The following DPP4 variants were observed in gnomAD, a reference collection of about 807,000 sequenced individuals.
The protein encoded by DPP4 is ADCP-2.
In DPP4, 93 loss-of-function variants were observed where a neutral mutation model predicts 122.4. The observed-to-expected ratio is 0.76, with a 90% CI of 0.64 to 0.90. The LOEUF is 0.90. Ranked by LOEUF, DPP4 falls within the 40% of genes least tolerant of loss-of-function variation. DPP4 has a pLI of 0.00. For synonymous variants in DPP4, 321 were observed against 302.9 expected, an observed-to-expected ratio of 1.06 and a Z score of -0.62; for missense variants, 914 against 907.3, an observed-to-expected ratio of 1.01 and a Z score of -0.09.
rs550310366 is a variant in DPP4 at position 162,060,071 on chromosome 2, C to T, written c.95-12570G>A. On this transcript the variant is annotated intron_variant, in intron 2 of 25. Coordinates refer to ENST00000360534, the MANE Select transcript of DPP4 (RefSeq NM_001935.4). ...GTATGCACCAAAGCCACATTTGGAC[C>T]AGGCAATATGGCGCCAAAGCCTGTG... 3.3e-5 allele frequency among the ~76,000 whole-genome samples: 5 copies of T among 152,298 alleles called. No homozygotes were observed. The East Asian group carries it at 5.8e-4, about 18-fold the overall frequency.
chr2:162,072,538 A>G (rs1685153098), intron 2 of DPP4, among the ~76,000 whole-genome samples: 1 of 152,220 alleles, frequency 6.6e-6, no homozygotes, highest in Non-Finnish European at 1.5e-5. Flanking sequence ...CACTGACTAT[A>G]CATTCCTCAG....
At chr2:162,045,679 T>C in intron 4 of DPP4, 67 bp from the exon 5 acceptor site, 1 of 1,127,280 alleles carries the variant, frequency 8.9e-7, no homozygotes, top group Non-Finnish European at 1.4e-6. Context: ...GTGCACTTAC[T>C]TCATAGGGGG....
chr2:162,005,817 A>G lies in DPP4; in HGVS notation c.1988-8T>C, dbSNP rs1701269899. The G allele has an allele frequency of 1.2e-6, 2 of 1,609,224 alleles. No homozygotes were observed. Among genetic ancestry groups the G allele is most frequent in the African/African-American group, 2.7e-5 (2 of 74,350 alleles). ...GTTCTGTGTACACTGAGTCTGTGAA[A>G]GAAAAAAAAATAAAAAAAAGTTTAA... is the stretch of plus-strand genomic sequence containing the variant. On this transcript the variant is annotated splice_polypyrimidine_tract_variant and splice_region_variant and intron_variant, in intron 22 of 25. Transcript: ENST00000360534.
At chr2:162,003,047 G>T (rs1426167833) in intron 23 of DPP4, among the ~76,000 whole-genome samples, 2 of 152,106 alleles carry the variant, frequency 1.3e-5, no homozygotes, top group Non-Finnish European at 2.9e-5. Flanking sequence ...GGAACCTTTA[G>T]CTCCCTGGTA....
chr2:161,995,496 C>T (rs899584040), intron 23 of DPP4, 124 bp from the exon 24 acceptor site: 58 of 785,998 alleles, frequency 7.4e-5, no homozygotes, highest in Non-Finnish European at 1.0e-4. Flanking sequence ...TATAGCAAAC[C>T]GATATTCAAG....
intron 2 of DPP4, among the ~76,000 whole-genome samples, chr2:162,065,092 T>C (rs12618149): frequency 0.023 from 3,464 of 152,332 alleles, 63 homozygotes; most frequent in African/African-American, 0.044. Context: ...GAAGATACTT[T>C]CCAACCTGAG....
At chr2:162,052,014 T>A (rs995257700) in intron 2 of DPP4, among the ~76,000 whole-genome samples, 2 of 151,966 alleles carry the variant, frequency 1.3e-5, no homozygotes, top group Non-Finnish European at 2.9e-5. Context: ...AAGTGGTTAG[T>A]GCTTCATAAA....
intron 5 of DPP4, among the ~76,000 whole-genome samples, chr2:162,045,137 T>C (rs1375475457): frequency 6.6e-6 from 1 of 151,964 alleles, no homozygotes; most frequent in Non-Finnish European, 1.5e-5. Flanking sequence ...TTTAACTCTT[T>C]TAAAAACACA....
At chr2:161,995,512 G>T in intron 23 of DPP4, 140 bp from the exon 24 acceptor site, 1 of 704,960 alleles carries the variant, frequency 1.4e-6, no homozygotes, top group Non-Finnish European at 2.5e-6. Flanking sequence ...TCAAGCAAAT[G>T]CTGTCTCCAT....
At position 161,993,335 on chromosome 2, in the gene DPP4, T is replaced by C; in HGVS notation, c.2249A>G (p.His750Arg). The C allele has an allele frequency of 6.2e-7, 1 of 1,613,832 alleles. No homozygotes were observed. The highest frequency in any genetic ancestry group is 8.5e-7 in the Non-Finnish European group (1 of 1,179,826). Residue 750 changes from histidine to arginine, a missense_variant, in exon 26 of 26, where the codon CAT becomes CGT. Transcript: ENST00000360534. The part of the protein sequence containing the change: ...HGIASSTAHQ[H>R]IYTHMSHFIK... ...GAAGTGGCTCATGTGGGTATATATA[T>C]GTTGGTGTGCTGTGCTGCTAGCTAT...
In DPP4 at chr2:162,024,923, C is replaced by T. The variant is rs753239943; in HGVS notation, c.904G>A (p.Asp302Asn). Reference sequence around the variant, plus strand: ...CTTTCTTGTGTTGCCCATGTCACATCACACAAGTAGTGATCCCTGGAAGGA... The same window carrying T: ...CTTTCTTGTGTTGCCCATGTCACATTACACAAGTAGTGATCCCTGGAAGGA... ...SMLIGDHYLC[D>N]VTWATQERIS... Residue 302 changes from aspartate to asparagine, a missense_variant, in exon 11 of 26, where the codon GAT becomes AAT. Physicochemically the swap from Asp to Asn is conservative, Grantham distance 23 (BLOSUM62 1). Transcript: ENST00000360534. 1 of 1,613,462 alleles carries T rather than the reference C, an allele frequency of 6.2e-7. No individual in the cohort carries two copies. The highest frequency in any genetic ancestry group is 2.2e-5 in the East Asian group (1 of 44,874).
At chr2:162,051,547 G>C (rs564880761) in intron 2 of DPP4, among the ~76,000 whole-genome samples, 1 of 152,336 alleles carries the variant, frequency 6.6e-6, no homozygotes, top group South Asian at 2.1e-4. Flanking sequence ...AGGCAAAAGA[G>C]TTATCTGGTT....
chr2:162,005,367 TCTTA>T (rs1231988024), intron 23 of DPP4, among the ~76,000 whole-genome samples: 4 of 152,176 alleles, frequency 2.6e-5, no homozygotes, highest in Admixed American at 2.0e-4. Context: ...CGTATATATA[TCTTA>T]CTTATGATAA....
At chr2:162,020,806 T>C (rs1683098666) in intron 12 of DPP4, 118 bp from the exon 13 acceptor site, 1 of 584,846 alleles carries the variant, frequency 1.7e-6, no homozygotes, top group Non-Finnish European at 2.9e-6. Context: ...TCCATTTATA[T>C]GCCAAATTAA....
intron 21 of DPP4, 66 bp downstream of exon 21, chr2:162,009,175 T>C (rs1701355488): frequency 6.6e-7 from 1 of 1,526,396 alleles, no homozygotes. Flanking sequence ...ATACAAAAGA[T>C]AAAGTAACCT....
chr2:162,018,926 C>T lies in DPP4; in HGVS notation c.1299-76G>A, dbSNP rs557741074. 9.6e-6 allele frequency: 15 copies of T among 1,560,488 alleles called. No homozygotes were observed. The South Asian group carries it at 1.7e-4, about 18-fold the overall frequency. ...GGAAGGAACTGAATAAAGCCATATT[C>T]TAGTTTCAAAGACAGCAGCATGCCA... On this transcript the variant is annotated intron_variant, in intron 15 of 25. Transcript: ENST00000360534.
chr2:162,022,657 T>C (rs1683172441), intron 12 of DPP4, 98 bp downstream of exon 12: 1 of 1,128,082 alleles, frequency 8.9e-7, no homozygotes, highest in Non-Finnish European at 1.3e-6. Flanking sequence ...ATATTGCTAT[T>C]AATAACGTAT....
At chr2:162,031,231 A>G (rs7573951) in intron 10 of DPP4, among the ~76,000 whole-genome samples, 76,744 of 152,074 alleles carry the variant, frequency 0.5, 21,107 homozygotes, top group East Asian at 0.95. Context: ...TCTCACCTGT[A>G]CCTCACAGCG....
Position 162,051,146 on chromosome 2 carries a change from T to C in DPP4, c.95-3645A>G, listed in dbSNP as rs1397472487. On this transcript the variant is annotated intron_variant, in intron 2 of 25. Transcript: ENST00000360534. ...AGCTTGAACCGCATGAAAATACCAT[T>C]TTTATTAGTTAAAAAAGGTAGAATA... 3.3e-5 allele frequency among the ~76,000 whole-genome samples: 5 copies of C among 152,330 alleles called. No homozygotes were observed. The East Asian group carries it at 7.7e-4, about 23-fold the overall frequency.
Sources: gnomAD v4.1 joint callset for allele counts (sites outside exome capture counted in the v4.1 genomes callset) on GRCh38, gnomAD v4.1.1 for gene constraint, MANE v1.5 for transcripts, NCBI Gene and HGNC (gene_info 2026-07-23, HGNC 2026-07-21) for gene names.